CHD1L: variants seen among roughly 807,000 people sequenced by gnomAD.
CHD1L encodes the protein ATP-dependent chromatin remodeler CHD1L.
CHD1L carries 118 observed loss-of-function variants against 115.9 expected under a neutral mutation model. The observed-to-expected ratio is 1.02, with a 90% CI of 0.88 to 1.19. The LOEUF (loss-of-function observed/expected upper bound fraction) is 1.19, where lower values mean the gene tolerates loss of function less well. Ranked by LOEUF, CHD1L falls within the 50% of genes most tolerant of loss-of-function variation. The pLI is 0.00. For synonymous variants in CHD1L, 411 were observed against 387.1 expected, an observed-to-expected ratio of 1.06 and a Z score of -0.72; for missense variants, 1,179 against 1,065.3, an observed-to-expected ratio of 1.11 and a Z score of -1.49.
At chr1:147,186,892 T>C in the CHD1L span, 8 of 1,606,016 alleles carry the variant, frequency 5.0e-6, no homozygotes, top group African/African-American at 5.3e-5. Context: ...GCAGTGACAA[T>C]AGGACAACTA....
At chr1:147,186,843 T>C in the CHD1L span, 6 of 1,548,802 alleles carry the variant, frequency 3.9e-6, no homozygotes, top group African/African-American at 1.4e-5. Context: ...CGTCAGATTC[T>C]GAAGGCATCT....
chr1:147,227,850 T>G, the CHD1L span, among the ~76,000 whole-genome samples: 1 of 152,180 alleles, frequency 6.6e-6, no homozygotes, highest in African/African-American at 2.4e-5. Context: ...GCTACCCTGT[T>G]TTCTAATTCT....
chr1:147,215,214 A>T, the CHD1L span: 8 of 152,256 alleles, frequency 5.3e-5, no homozygotes, highest in African/African-American at 1.4e-4. Context: ...CTTGTCTAAC[A>T]TCTAAGTTAG....
chr1:147,287,808 G>GT (rs1553967340), intron 19 of CHD1L, 75 bp downstream of exon 19: 1 of 1,200,080 alleles, frequency 8.3e-7, no homozygotes, highest in African/African-American at 1.5e-5. Flanking sequence ...TATCGTGAGG[G>GT]TTACACAGCA....
intron 1 of CHD1L, 72 bp downstream of exon 1, chr1:147,242,902 G>T (rs1172805729): frequency 2.4e-6 from 3 of 1,234,388 alleles, no homozygotes; most frequent in Non-Finnish European, 3.0e-6. Flanking sequence ...GGCCGGGGGC[G>T]CAGCGGGTGG....
chr1:147,294,620 C>G, intron 22 of CHD1L, 103 bp downstream of exon 22: 1 of 827,864 alleles, frequency 1.2e-6, no homozygotes, highest in South Asian at 2.0e-5. Flanking sequence ...TTCTTCCTGC[C>G]ACAGTCTTTA....
At chr1:147,226,619 G>C in the CHD1L span, among the ~76,000 whole-genome samples, 1 of 152,120 alleles carries the variant, frequency 6.6e-6, no homozygotes, top group African/African-American at 2.4e-5. Flanking sequence ...TGACAGATGT[G>C]AGGGGTTGTA....
chr1:147,254,917 G>A lies in CHD1L; in HGVS notation c.288G>A (p.Gly96=), dbSNP rs1553938943. 2 of 1,611,502 alleles carry A rather than the reference G, an allele frequency of 1.2e-6. No homozygotes were observed. The highest frequency in any genetic ancestry group is 1.7e-6 in the Non-Finnish European group (2 of 1,179,074). Residue 96 remains glycine (G), a synonymous_variant, in exon 3 of 23, where the codon GGG becomes GGA. Transcript: ENST00000369258. Reference sequence around the variant, plus strand: ...TGGCAGGAAGATTAAATGATGAAGGGCCATTTCTGATTCTTTGTCCCTTGT... The same window carrying A: ...TGGCAGGAAGATTAAATGATGAAGGACCATTTCTGATTCTTTGTCCCTTGT... ...IYLAGRLNDE[G]PFLILCPLSV...
In CHD1L at chr1:147,252,694, T is replaced by C; in HGVS notation, c.199T>C (p.Cys67Arg). The change falls in exon 2 of 23, where the codon TGT becomes CGT. Residue 67 changes from cysteine (C) to arginine (R), a missense_variant. Cys to Arg is a radical substitution (Grantham distance 180). Coordinates refer to ENST00000369258, the MANE Select transcript of CHD1L (RefSeq NM_004284.6). The stretch of plus-strand genomic sequence containing the variant: ...CCAGCGCTTCCATTGTCAGAATGGC[T>C]GTATCCTGGGAGATGAGATGGGCCT... The part of the protein sequence containing the change: ...LAQRFHCQNG[C>R]ILGDEMGLGK... 1 of 1,614,106 alleles carries C rather than the reference T, an allele frequency of 6.2e-7. No individual in the cohort carries two copies.
the CHD1L span, among the ~76,000 whole-genome samples, chr1:147,197,234 A>G: frequency 1.3e-5 from 2 of 152,084 alleles, no homozygotes; most frequent in Non-Finnish European, 2.9e-5. Context: ...TTTCCCCTCT[A>G]TGGTCAATAT....
At chr1:147,203,452 G>A in the CHD1L span, 19 of 833,610 alleles carry the variant, frequency 2.3e-5, no homozygotes, top group African/African-American at 6.6e-5. Context: ...CAACATGTCC[G>A]TTACAGCAGG....
chr1:147,281,118 G>A (rs1680680849), intron 15 of CHD1L, among the ~76,000 whole-genome samples: 1 of 152,142 alleles, frequency 6.6e-6, no homozygotes, highest in Non-Finnish European at 1.5e-5. Context: ...CCACTTCTAA[G>A]TTGTCTCTCT....
chr1:147,295,560 C>G lies in CHD1L; in HGVS notation c.*51C>G. 7.7e-7 allele frequency: 1 copy of G among 1,305,898 alleles called. No homozygotes were observed. Among genetic ancestry groups the G allele is most frequent in the Non-Finnish European group, 1.1e-6 (1 of 912,384 alleles). The allele number at this position is 1,305,898 out of a possible 1,614,324, so 80.9% of individuals were successfully genotyped here. A position where few individuals can be genotyped will look rare whatever the true frequency, so the allele number is the denominator to read the frequency against. ...CTTTAGCAACCAGCTAATATTTACCCAGAGGTACTGCAATAGAGTATTTCA... is the reference window on the plus strand; with the variant it reads ...CTTTAGCAACCAGCTAATATTTACCGAGAGGTACTGCAATAGAGTATTTCA... On this transcript the variant is annotated 3_prime_UTR_variant, in exon 23 of 23. Transcript: ENST00000369258.
chr1:147,242,986 G>A, intron 1 of CHD1L, 156 bp downstream of exon 1: 1 of 962,148 alleles, frequency 1.0e-6, no homozygotes, highest in Non-Finnish European at 1.3e-6. Flanking sequence ...GAGAAACTGC[G>A]CCCGGGCTTG....
At chr1:147,190,025 C>T in the CHD1L span, 3 of 533,848 alleles carry the variant, frequency 5.6e-6, no homozygotes, top group Non-Finnish European at 9.7e-6. Flanking sequence ...GCTATTTCTC[C>T]ATTCTATTGT....
the CHD1L span, among the ~76,000 whole-genome samples, chr1:147,193,594 A>T: frequency 6.6e-6 from 1 of 151,760 alleles, no homozygotes; most frequent in East Asian, 1.9e-4. Context: ...TTTAATTGTG[A>T]TGTTAGGGTG....
the CHD1L span, chr1:147,225,309 A>G: frequency 7.2e-6 from 4 of 555,960 alleles, no homozygotes; most frequent in Non-Finnish European, 1.1e-5. Context: ...AGCGCTCAAC[A>G]GATCCTTCAG....
chr1:147,293,720 A>C lies in CHD1L; in HGVS notation c.2504A>C (p.Lys835Thr). 1 of 1,611,136 alleles carries C rather than the reference A, an allele frequency of 6.2e-7. No homozygotes were observed. The highest frequency in any genetic ancestry group is 8.5e-7 in the Non-Finnish European group (1 of 1,177,398). Reference protein sequence around the residue: ...KKIFLAAKKKKASVHLPRIGH... With the variant: ...KKIFLAAKKKTASVHLPRIGH... ...ATATTTTTAGCAGCAAAAAAGAAGA[A>C]AGGTAAGCTCTTCCACCTGTGCTCA... The change falls in exon 21 of 23, where the codon AAA becomes ACA. Residue 835 changes from lysine to threonine, a missense_variant and splice_region_variant. By Grantham distance (78) the Lys-to-Thr change is moderately conservative. Coordinates refer to ENST00000369258, the MANE Select transcript of CHD1L (RefSeq NM_004284.6).
intron 1 of CHD1L, among the ~76,000 whole-genome samples, chr1:147,251,223 AT>A (rs1668297962): frequency 6.6e-6 from 1 of 152,136 alleles, no homozygotes; most frequent in African/African-American, 2.4e-5. Context: ...CAGTTGGCTG[AT>A]TTCTTGAACT....
Sources: gnomAD v4.1 joint callset for allele counts (sites outside exome capture counted in the v4.1 genomes callset) on GRCh38, gnomAD v4.1.1 for gene constraint, MANE v1.5 for transcripts, NCBI Gene and HGNC (gene_info 2026-07-23, HGNC 2026-07-21) for gene names.